Variants in AGBL4 observed in about 807,000 individuals in gnomAD.
The protein encoded by AGBL4 is cytosolic carboxypeptidase 6.
In AGBL4, 58 loss-of-function variants were observed where a neutral mutation model predicts 66.4. The observed-to-expected ratio is 0.87, with a 90% CI of 0.71 to 1.09. AGBL4 has a LOEUF of 1.09. AGBL4 is among the 50% of genes least tolerant of loss of function. AGBL4 has a pLI of 0.00. For missense variants in AGBL4, 579 were observed against 631.0 expected (o/e 0.92, Z 0.88); for synonymous variants, 234 against 222.9 (o/e 1.05, Z -0.44).
At chr1:49,251,648 C>A (rs1233472270) in intron 3 of AGBL4, among the ~76,000 whole-genome samples, 2 of 152,206 alleles carry the variant, frequency 1.3e-5, no homozygotes, top group East Asian at 3.9e-4. Context: ...GTAGTGAATG[C>A]CTGCAGGGAA....
chr1:49,265,639 T>C (rs1643900165), intron 3 of AGBL4, among the ~76,000 whole-genome samples: 1 of 152,140 alleles, frequency 6.6e-6, no homozygotes, highest in Non-Finnish European at 1.5e-5. Flanking sequence ...ATCATACCCA[T>C]CTGGTAGAGT....
At chr1:49,085,787 A>G (rs1431315465) in intron 4 of AGBL4, among the ~76,000 whole-genome samples, 1 of 152,114 alleles carries the variant, frequency 6.6e-6, no homozygotes, top group African/African-American at 2.4e-5. Context: ...ATGCAAGACT[A>G]AAAATGGGAG....
intron 4 of AGBL4, among the ~76,000 whole-genome samples, chr1:49,068,425 C>A (rs185147377): frequency 6.6e-6 from 1 of 150,772 alleles, no homozygotes; most frequent in East Asian, 2.0e-4. Flanking sequence ...GTTCCCCTCC[C>A]GGTGTCCATG....
intron 5 of AGBL4, among the ~76,000 whole-genome samples, chr1:48,926,246 T>TATTTTATTTC (rs1654553387): frequency 8.4e-6 from 1 of 119,710 alleles, no homozygotes; most frequent in Admixed American, 8.4e-5. Context: ...GACCATGAAT[T>TATTTTATTTC]ATTTTATTTT....
chr1:48,626,945 A>T (rs1645512972), intron 9 of AGBL4, among the ~76,000 whole-genome samples: 1 of 152,088 alleles, frequency 6.6e-6, no homozygotes, highest in Admixed American at 6.5e-5. Flanking sequence ...CATAGGGGGT[A>T]AAGAATTACC....
chr1:48,530,511 T>A (rs918605890), downstream of AGBL4, among the ~76,000 whole-genome samples: 3 of 152,214 alleles, frequency 2.0e-5, no homozygotes, highest in African/African-American at 7.2e-5. Context: ...TTTCTGTGTT[T>A]ACCGCCCCGC....
chr1:48,539,368 G>T (rs1044873312), intron 12 of AGBL4, among the ~76,000 whole-genome samples: 3 of 152,142 alleles, frequency 2.0e-5, no homozygotes, highest in Non-Finnish European at 4.4e-5. Context: ...AACAATGACT[G>T]AACTCAGCTC....
At chr1:49,244,462 T>A (rs1452078849) in intron 4 of AGBL4, among the ~76,000 whole-genome samples, 1 of 151,768 alleles carries the variant, frequency 6.6e-6, no homozygotes, top group Non-Finnish European at 1.5e-5. Context: ...ATTTTCACCT[T>A]TCATAAACAG....
At chr1:49,862,246 T>A (rs1432755740) in intron 1 of AGBL4, among the ~76,000 whole-genome samples, 1 of 151,776 alleles carries the variant, frequency 6.6e-6, no homozygotes, top group African/African-American at 2.4e-5. Flanking sequence ...AAAAATGCAA[T>A]TGGCATACTG....
chr1:48,563,665 C>T (rs1644431506), intron 11 of AGBL4, among the ~76,000 whole-genome samples: 1 of 152,110 alleles, frequency 6.6e-6, no homozygotes, highest in Non-Finnish European at 1.5e-5. Flanking sequence ...GATAGACAGA[C>T]AATCAGGTAG....
In AGBL4 at chr1:48,663,213, C is replaced by T; in HGVS notation, c.663G>A (p.Lys221=). The T allele has an allele frequency of 6.2e-7, 1 of 1,613,940 alleles. No homozygotes were observed. Among genetic ancestry groups the T allele is most frequent in the Non-Finnish European group, 8.5e-7 (1 of 1,179,870 alleles). The change falls in exon 7 of 14, where the codon AAG becomes AAA. Residue 221 remains lysine (K), a synonymous_variant. Transcript: ENST00000371839. ...PDNLREGAEQ[K]VVFITGRVHP... ...GGACTCGTCCTGTGATGAATACCAC[C>T]TTCTGCTCTGCCCCTTCCCGGAGAT...
intron 3 of AGBL4, among the ~76,000 whole-genome samples, chr1:49,249,504 C>T (rs1350325235): frequency 1.3e-5 from 2 of 152,026 alleles, no homozygotes; most frequent in African/African-American, 4.8e-5. Context: ...AAATGCAAAT[C>T]AAAACCACAA....
intron 6 of AGBL4, among the ~76,000 whole-genome samples, chr1:48,798,199 T>A (rs1039625825): frequency 6.6e-6 from 1 of 152,228 alleles, no homozygotes; most frequent in East Asian, 1.9e-4. Flanking sequence ...TATCTCATTG[T>A]GGCTTTGATT....
intron 6 of AGBL4, among the ~76,000 whole-genome samples, chr1:48,696,811 G>C (rs1351302538): frequency 2.0e-5 from 3 of 152,198 alleles, no homozygotes; most frequent in African/African-American, 7.2e-5. Flanking sequence ...GTGAAAATGA[G>C]AGGTAGTTGT....
intron 5 of AGBL4, among the ~76,000 whole-genome samples, chr1:48,997,812 T>G (rs1267222060): frequency 6.6e-6 from 1 of 152,248 alleles, no homozygotes; most frequent in Non-Finnish European, 1.5e-5. Flanking sequence ...ACATAAGTGC[T>G]TGATAAATGG....
intron 3 of AGBL4, among the ~76,000 whole-genome samples, chr1:49,600,277 T>C (rs1431213248): frequency 3.9e-5 from 6 of 152,188 alleles, no homozygotes; most frequent in Non-Finnish European, 8.8e-5. Context: ...AGAACTTGCT[T>C]TATGAATCTG....
chr1:48,977,933 G>A (rs537056301), intron 5 of AGBL4, among the ~76,000 whole-genome samples: 2 of 152,220 alleles, frequency 1.3e-5, no homozygotes, highest in East Asian at 3.9e-4. Flanking sequence ...TTCAGCATTG[G>A]TAGTTACCTT....
intron 1 of AGBL4, among the ~76,000 whole-genome samples, chr1:49,918,376 A>G (rs1257047717): frequency 6.6e-6 from 1 of 152,234 alleles, no homozygotes; most frequent in African/African-American, 2.4e-5. Context: ...AGAATCAAAT[A>G]GACGCAACAA....
intron 4 of AGBL4, among the ~76,000 whole-genome samples, chr1:49,057,210 G>A (rs1173502168): frequency 6.6e-6 from 1 of 151,978 alleles, no homozygotes; most frequent in African/African-American, 2.4e-5. Context: ...AGATAAGCCT[G>A]GGCAACATGG....
Sources: gnomAD v4.1 joint callset for allele counts (sites outside exome capture counted in the v4.1 genomes callset) on GRCh38, gnomAD v4.1.1 for gene constraint, MANE v1.5 for transcripts, NCBI Gene and HGNC (gene_info 2026-07-23, HGNC 2026-07-21) for gene names.